SLC1A6: variants seen among roughly 807,000 people sequenced by gnomAD.
SLC1A6 encodes the protein excitatory amino acid transporter 4.
SLC1A6 carries 15 observed loss-of-function variants against 42.1 expected under a neutral mutation model. That is an observed-to-expected ratio of 0.36 (90% confidence interval 0.24 to 0.55). The LOEUF (loss-of-function observed/expected upper bound fraction) is 0.55. SLC1A6 is among the 20% of genes least tolerant of loss of function. SLC1A6 has a pLI of 0.88. For synonymous variants in SLC1A6, 317 were observed against 319.7 expected, an observed-to-expected ratio of 0.99 and a Z score of 0.09; for missense variants, 542 against 772.5, an observed-to-expected ratio of 0.70 and a Z score of 3.54.
chr19:14,995,062 C>T (rs1476330829), intron 1 of SLC1A6, among the ~76,000 whole-genome samples: 1 of 152,110 alleles, frequency 6.6e-6, no homozygotes, highest in East Asian at 1.9e-4. Flanking sequence ...TGGTGGCTCA[C>T]ACCTGTAATC....
chr19:14,978,361 G>A (rs7247514), intron 1 of SLC1A6: 83,326 of 152,104 alleles, frequency 0.55, 23,046 homozygotes, highest in South Asian at 0.67. Flanking sequence ...AGGAGTGAGT[G>A]AGGGAAGAGA....
At position 14,978,704 on chromosome 19, in the gene SLC1A6, A is replaced by AT. The variant is rs568597070; in HGVS notation, c.-8+604dup. Among the ~76,000 whole-genome samples, 6 of 151,778 alleles carry AT rather than the reference A, an allele frequency of 4.0e-5. No homozygotes were observed. The South Asian group carries it at 1.3e-3, about 32-fold the overall frequency. On this transcript the variant is annotated intron_variant, in intron 1 of 9. Coordinates refer to ENST00000594383, the MANE Select transcript of SLC1A6 (RefSeq NM_005071.3). Reference sequence around the variant, plus strand: ...ACTCACACATACACTTGCCACATTCATGTACACCCTCAGGCACGCAACCAC... The same window carrying AT: ...ACTCACACATACACTTGCCACATTCATTGTACACCCTCAGGCACGCAACCAC...
intron 8 of SLC1A6, among the ~76,000 whole-genome samples, chr19:14,953,765 C>T (rs1173838465): frequency 6.6e-6 from 1 of 152,010 alleles, no homozygotes; most frequent in Non-Finnish European, 1.5e-5. Flanking sequence ...AAGTTGGAAC[C>T]ACTGGATGAT....
upstream of SLC1A6, among the ~76,000 whole-genome samples, chr19:14,982,470 A>G (rs2045773008): frequency 6.6e-6 from 1 of 152,190 alleles, no homozygotes; most frequent in South Asian, 2.1e-4. Context: ...CAGAGTTTGC[A>G]GTGAGCCAAG....
intron 1 of SLC1A6, among the ~76,000 whole-genome samples, chr19:15,005,496 T>C: frequency 6.6e-6 from 1 of 151,136 alleles, no homozygotes; most frequent in East Asian, 1.9e-4. Flanking sequence ...GCAACAAGAG[T>C]GAAACTCCTT....
At chr19:15,000,518 T>A (rs1183307083) in intron 1 of SLC1A6, among the ~76,000 whole-genome samples, 1 of 152,226 alleles carries the variant, frequency 6.6e-6, no homozygotes, top group African/African-American at 2.4e-5. Context: ...TCCAGCTTCA[T>A]CCAGGTTGTT....
At chr19:14,981,071 T>A (rs746764137), upstream of SLC1A6, among the ~76,000 whole-genome samples, 12 of 151,400 alleles carry the variant, frequency 7.9e-5, no homozygotes, top group Non-Finnish European at 1.3e-4. Flanking sequence ...GGAGAGAGGA[T>A]CACTTGAGCC....
At chr19:15,006,755 C>T (rs1334156251) in intron 1 of SLC1A6, among the ~76,000 whole-genome samples, 1 of 82,984 alleles carries the variant, frequency 1.2e-5, no homozygotes, top group Non-Finnish European at 2.3e-5. Context: ...AAGACCCTGT[C>T]TCTACAAAAA....
At chr19:14,968,954 C>T (rs1302241459) in intron 3 of SLC1A6, among the ~76,000 whole-genome samples, 2 of 152,120 alleles carry the variant, frequency 1.3e-5, no homozygotes, top group East Asian at 3.9e-4. Context: ...ATTCTGCTGC[C>T]TCAGCCTTCC....
chr19:14,998,959 C>G (rs960257744), intron 1 of SLC1A6, among the ~76,000 whole-genome samples: 4 of 151,906 alleles, frequency 2.6e-5, no homozygotes, highest in African/African-American at 9.7e-5. Flanking sequence ...CTCACTGCAG[C>G]CTCCGCCTCC....
At chr19:14,994,866 G>A (rs2045837413) in intron 1 of SLC1A6, among the ~76,000 whole-genome samples, 1 of 146,228 alleles carries the variant, frequency 6.8e-6, no homozygotes, top group African/African-American at 2.6e-5. Context: ...TAATCACAAT[G>A]GGATAGTATT....
At chr19:14,992,238 G>A (rs2045824132) in intron 1 of SLC1A6, among the ~76,000 whole-genome samples, 1 of 152,196 alleles carries the variant, frequency 6.6e-6, no homozygotes, top group Admixed American at 6.5e-5. Context: ...TTCATGAGTT[G>A]TTTTTAATTA....
rs1396887727 is a variant in SLC1A6, at chr19:14,979,419, C to T, written c.-118G>A. 6.6e-6 allele frequency: 1 copy of T among 152,306 alleles called. No individual in the cohort carries two copies. Among genetic ancestry groups the T allele is most frequent in the Non-Finnish European group, 1.5e-5 (1 of 68,152 alleles). 9.4% of individuals were successfully genotyped at this position (152,306 alleles called of 1,614,324 possible). ...GTGGGCGCAGGGAGCGCCCCACACG[C>T]CTGACCCCAGCGCCTCGGATCCCCC... On this transcript the variant is annotated 5_prime_UTR_variant, in exon 1 of 10. Transcript: ENST00000594383. This position sits in a 1 kb window ranked among gnomAD's most constrained non-coding sequence, Gnocchi z 4.2.
At chr19:15,006,562 T>C (rs2045896674) in intron 1 of SLC1A6, among the ~76,000 whole-genome samples, 2 of 151,190 alleles carry the variant, frequency 1.3e-5, no homozygotes, top group Admixed American at 1.3e-4. Flanking sequence ...CATTACTGAA[T>C]GATCCCTTGA....
upstream of SLC1A6, among the ~76,000 whole-genome samples, chr19:14,983,308 T>A (rs1160746253): frequency 6.6e-6 from 1 of 152,152 alleles, no homozygotes; most frequent in African/African-American, 2.4e-5. Context: ...ATTTCGCTGT[T>A]TAAAATGGTC....
intron 3 of SLC1A6, 99 bp downstream of exon 3, chr19:14,971,638 T>G (rs2045641446): frequency 8.2e-7 from 1 of 1,218,324 alleles, no homozygotes; most frequent in Non-Finnish European, 1.2e-6. Context: ...AGGTGCCGCG[T>G]CAAGGAAGTG....
At chr19:14,978,716 A>G (rs1437441100) in intron 1 of SLC1A6, among the ~76,000 whole-genome samples, 2 of 151,846 alleles carry the variant, frequency 1.3e-5, no homozygotes, top group Non-Finnish European at 2.9e-5. Context: ...GTACACCCTC[A>G]GGCACGCAAC....
chr19:14,978,456 A>G (rs2045734878), intron 1 of SLC1A6, among the ~76,000 whole-genome samples: 1 of 152,048 alleles, frequency 6.6e-6, no homozygotes, highest in Non-Finnish European at 1.5e-5. Context: ...TATGCAATTG[A>G]CATATCCACA....
At chr19:15,005,821 C>T (rs2045893545) in intron 1 of SLC1A6, among the ~76,000 whole-genome samples, 1 of 152,192 alleles carries the variant, frequency 6.6e-6, no homozygotes, top group South Asian at 2.1e-4. Context: ...ACCAGAGAGC[C>T]ATGTGGAAGC....
Sources: allele counts gnomAD v4.1 joint callset (sites outside exome capture counted in the v4.1 genomes callset), GRCh38; gene constraint gnomAD v4.1.1; non-coding constraint Gnocchi (gnomAD v3.1); transcripts MANE v1.5; gene names NCBI Gene and HGNC (gene_info 2026-07-23, HGNC 2026-07-21).